The following ZNF880 variants were observed in gnomAD, a reference collection of about 807,000 sequenced individuals.
The protein encoded by ZNF880 is zinc finger protein 880, also known as zinc finger protein LOC400713.
ZNF880 carries 12 observed loss-of-function variants against 11.8 expected under a neutral mutation model. The observed-to-expected ratio is 1.02, with a 90% CI of 0.65 to 1.65. The LOEUF is 1.65. ZNF880 is among the 40% of genes most tolerant of loss of function. The pLI is 0.00. For synonymous variants in ZNF880, 210 were observed against 232.4 expected (o/e 0.90, Z 0.88); for missense variants, 601 against 673.9 (o/e 0.89, Z 1.20).
chr19:52,382,374 C>T (rs1197551091), intron 3 of ZNF880, among the ~76,000 whole-genome samples: 1 of 151,944 alleles, frequency 6.6e-6, no homozygotes, highest in African/African-American at 2.4e-5. Context: ...TAATGGTGAA[C>T]TTTCTATTTT....
chr19:52,393,834 C>A, the ZNF880 span, among the ~76,000 whole-genome samples: 7 of 144,288 alleles, frequency 4.9e-5, no homozygotes, highest in South Asian at 4.5e-4. Flanking sequence ...TTGCCCCCCC[C>A]CTTTTTTTTT....
chr19:52,385,526 C>T lies in ZNF880; in HGVS notation c.*212C>T. 1.7e-6 allele frequency: 1 copy of T among 581,118 alleles called. No individual in the cohort carries two copies. The allele number at this position is 581,118 out of a possible 1,614,324, so 36.0% of individuals were successfully genotyped here. ...CCTGCCAAATGACTAGATATCAAAA[C>T]ATACATCTTGGATGAAACCATACAG... On this transcript the variant is annotated 3_prime_UTR_variant, in exon 4 of 4. Coordinates refer to ENST00000422689, the MANE Select transcript of ZNF880 (RefSeq NM_001145434.2).
At chr19:52,376,507 C>A (rs866018811) in intron 3 of ZNF880, among the ~76,000 whole-genome samples, 7 of 56,538 alleles carry the variant, frequency 1.2e-4, no homozygotes, top group African/African-American at 3.2e-4. Context: ...CCCCCCCCCC[C>A]CCTTTTTTTT....
chr19:52,394,712 T>A, the ZNF880 span: 1 of 152,230 alleles, frequency 6.6e-6, no homozygotes, highest in East Asian at 1.9e-4. Context: ...CTTTTATAAT[T>A]CTGTAAGTCA....
At chr19:52,379,441 G>A in intron 3 of ZNF880, 2 of 437,088 alleles carry the variant, frequency 4.6e-6, no homozygotes, top group South Asian at 3.2e-5. Flanking sequence ...TGTCACCCAG[G>A]CTGGAGTGCA....
chr19:52,385,595 T>C lies in ZNF880; in HGVS notation c.*281T>C, dbSNP rs951732753. The C allele has an allele frequency of 1.8e-5, 5 of 285,614 alleles. No individual in the cohort carries two copies. Among genetic ancestry groups the C allele is most frequent in the African/African-American group, 1.1e-4 (3 of 28,418 alleles). The allele number at this position is 285,614 out of a possible 1,614,324, so 17.7% of individuals were successfully genotyped here. ...GGCTATTATTCAAGGACCATTACTA[T>C]GGAACATGATAAGATTTACACAAGC... On this transcript the variant is annotated 3_prime_UTR_variant, in exon 4 of 4. Coordinates refer to ENST00000422689, the MANE Select transcript of ZNF880 (RefSeq NM_001145434.2).
intron 1 of ZNF880, chr19:52,370,554 C>T (rs547549754): frequency 6.5e-6 from 1 of 153,898 alleles, no homozygotes; most frequent in South Asian, 2.0e-4. Flanking sequence ...GAGGCCCAGG[C>T]TGGAGAATTC....
chr19:52,381,358 T>C (rs552441147), intron 3 of ZNF880, among the ~76,000 whole-genome samples: 23 of 152,362 alleles, frequency 1.5e-4, no homozygotes, highest in Admixed American at 4.6e-4. Flanking sequence ...TTGTCTCTTA[T>C]GGTTTTTGAA....
downstream of ZNF880, chr19:52,389,747 T>C (rs1025848667): frequency 6.6e-6 from 1 of 152,294 alleles, no homozygotes; most frequent in Non-Finnish European, 1.5e-5. Context: ...ATTTTACTTC[T>C]GCACTGCTCT....
At chr19:52,386,475 T>G (rs1487642252), downstream of ZNF880, among the ~76,000 whole-genome samples, 1 of 143,346 alleles carries the variant, frequency 7.0e-6, no homozygotes, top group African/African-American at 2.7e-5. Context: ...TAGGACTGCA[T>G]AGCAATCACT....
At chr19:52,368,596 T>G (rs1986231200), upstream of ZNF880, among the ~76,000 whole-genome samples, 1 of 151,682 alleles carries the variant, frequency 6.6e-6, no homozygotes, top group Admixed American at 6.6e-5. Flanking sequence ...TGGGGTGTCA[T>G]GATTGCTAAA....
rs1489723751 is a variant in ZNF880, at chr19:52,385,035, C to T, written c.1455C>T (p.Ile485=). The change falls in exon 4 of 4, where the codon ATC becomes ATT. Residue 485 remains isoleucine, a synonymous_variant. Transcript: ENST00000422689. Reference sequence around the variant, plus strand: ...CAAACCTTGCAAATCATCACAGAATCCATACTGGAGAGAAACCTTACAAAT... The same window carrying T: ...CAAACCTTGCAAATCATCACAGAATTCATACTGGAGAGAAACCTTACAAAT... The part of the protein sequence containing the change: ...RNSNLANHHR[I]HTGEKPYKCS... 2.6e-6 allele frequency: 4 copies of T among 1,563,060 alleles called. No individual in the cohort carries two copies. The highest frequency in any genetic ancestry group is 2.6e-6 in the Non-Finnish European group (3 of 1,153,782).
the ZNF880 span, among the ~76,000 whole-genome samples, chr19:52,393,832 C>G: frequency 6.8e-6 from 1 of 146,428 alleles, no homozygotes; most frequent in East Asian, 2.1e-4. Context: ...CTTTGCCCCC[C>G]CCCTTTTTTT....
At chr19:52,368,657 C>A (rs184786944), upstream of ZNF880, among the ~76,000 whole-genome samples, 1 of 152,108 alleles carries the variant, frequency 6.6e-6, no homozygotes, top group African/African-American at 2.4e-5. Context: ...AACTTAGTTA[C>A]AATTCACACC....
chr19:52,395,261 A>G, the ZNF880 span, among the ~76,000 whole-genome samples: 1 of 151,918 alleles, frequency 6.6e-6, no homozygotes, highest in Admixed American at 6.6e-5. Flanking sequence ...AACCTTTCAT[A>G]TTGTGTGGAA....
chr19:52,384,163 G>T lies in ZNF880; in HGVS notation c.583G>T (p.Val195Leu), dbSNP rs1186476339. ...TAATGAGCATGGCAAAGCCTTTAGA[G>T]TGTCTTCAAGACTTGCTAACAATCA... ...ECNEHGKAFR[V>L]SSRLANNQVI... The change falls in exon 4 of 4, where the codon GTG becomes TTG. Residue 195 changes from valine to leucine, a missense_variant. By Grantham distance (32) the Val-to-Leu change is conservative. Around this residue, in one of 3 missense-constraint regions of ZNF880, gnomAD observed 420 missense variants for 442.6 expected, o/e 0.95. Transcript: ENST00000422689. The T allele has an allele frequency of 1.2e-6, 2 of 1,608,338 alleles. No individual in the cohort carries two copies. Among genetic ancestry groups the T allele is most frequent in the Non-Finnish European group, 1.7e-6 (2 of 1,177,084 alleles).
chr19:52,387,553 A>G (rs567881441), downstream of ZNF880, among the ~76,000 whole-genome samples: 231 of 140,906 alleles, frequency 1.6e-3, 24 homozygotes, highest in Non-Finnish European at 3.1e-3. Context: ...GGTTCAAGCA[A>G]TTCTCCTGCT....
chr19:52,395,126 A>AT, the ZNF880 span, among the ~76,000 whole-genome samples: 676 of 151,866 alleles, frequency 4.5e-3, 5 homozygotes, highest in Middle Eastern at 0.014. Flanking sequence ...TTGGTACACT[A>AT]TTTTTTTTGT....
At chr19:52,372,290 A>ATT (rs770129861) in intron 1 of ZNF880, among the ~76,000 whole-genome samples, 1 of 138,714 alleles carries the variant, frequency 7.2e-6, no homozygotes, top group Admixed American at 7.5e-5. Context: ...ATCTCTACTA[A>ATT]TTTTTTTTTT....
Sources: allele counts gnomAD v4.1 joint callset (sites outside exome capture counted in the v4.1 genomes callset), GRCh38; gene constraint gnomAD v4.1.1; regional missense constraint gnomAD v4.1.1; transcripts MANE v1.5; gene names NCBI Gene and HGNC (gene_info 2026-07-23, HGNC 2026-07-21).